The following NPTXR variants were observed in gnomAD, a reference collection of about 807,000 sequenced individuals.
NPTXR encodes the protein neuronal pentraxin receptor.
A neutral mutation model predicts 32.2 loss-of-function variants in NPTXR; 12 were observed. The observed-to-expected ratio is 0.37, with a 90% CI of 0.24 to 0.60. NPTXR has a LOEUF of 0.60. Among genes scored for constraint, NPTXR ranks in the 20% least tolerant of loss-of-function variants. The pLI is 0.66. For synonymous variants in NPTXR, 323 were observed against 315.8 expected (o/e 1.02, Z -0.24); for missense variants, 612 against 682.9 (o/e 0.90, Z 1.16).
rs2093097927 is a variant in NPTXR at position 38,821,930 on chromosome 22, C to T, written c.*679G>A. The T allele has an allele frequency of 6.4e-6, 1 of 155,404 alleles. No individual in the cohort carries two copies. Among genetic ancestry groups the T allele is most frequent in the Non-Finnish European group, 1.4e-5 (1 of 70,008 alleles). The allele number at this position is 155,404 out of a possible 1,614,324, so 9.6% of individuals were successfully genotyped here. A position where few individuals can be genotyped will look rare whatever the true frequency, so the allele number is the denominator to read the frequency against. Reference sequence around the variant, plus strand: ...TTTGGCCTCCTGGGGTCTTTGTCCCCTTCCCTCCAGGCTGGAGCTGGGAAA... The same window carrying T: ...TTTGGCCTCCTGGGGTCTTTGTCCCTTTCCCTCCAGGCTGGAGCTGGGAAA... On this transcript the variant is annotated 3_prime_UTR_variant, in exon 5 of 5. Transcript: ENST00000333039.
chr22:38,822,227 C>T lies in NPTXR; in HGVS notation c.*382G>A, dbSNP rs965439939. On this transcript the variant is annotated 3_prime_UTR_variant, in exon 5 of 5. Coordinates refer to ENST00000333039, the MANE Select transcript of NPTXR (RefSeq NM_014293.4). ...GCCTGTTGCATGGGGGACAAGGGGG[C>T]GGGCGGCCACCCCCACCACTGAGAT... The T allele has an allele frequency of 3.6e-5, 9 of 250,022 alleles. No homozygotes were observed. The highest frequency in any genetic ancestry group is 1.9e-4 in the East Asian group (2 of 10,750). The allele number at this position is 250,022 out of a possible 1,614,324, so 15.5% of individuals were successfully genotyped here. A position where few individuals can be genotyped will look rare whatever the true frequency, so the allele number is the denominator to read the frequency against.
At chr22:38,823,527 A>T (rs1057154762) in intron 3 of NPTXR, among the ~76,000 whole-genome samples, 2 of 152,200 alleles carry the variant, frequency 1.3e-5, no homozygotes, top group African/African-American at 4.8e-5. Context: ...CAGGCCTATT[A>T]AGGTCACTTG....
intron 3 of NPTXR, 66 bp from the exon 4 acceptor site, chr22:38,823,328 G>A (rs542246518): frequency 1.3e-6 from 2 of 1,483,892 alleles, no homozygotes; most frequent in Non-Finnish European, 1.8e-6. Flanking sequence ...GGCTGAGGCA[G>A]TGGGGTGGGG....
chr22:38,826,388 T>C, intron 3 of NPTXR, 112 bp downstream of exon 3: 10 of 1,303,252 alleles, frequency 7.7e-6, no homozygotes, highest in Non-Finnish European at 1.1e-5. Flanking sequence ...TAATGTGTGC[T>C]GAATATGCAG....
At chr22:38,836,043 A>AG (rs2093123444) in intron 1 of NPTXR, among the ~76,000 whole-genome samples, 4 of 152,304 alleles carry the variant, frequency 2.6e-5, no homozygotes, top group South Asian at 4.1e-4. Flanking sequence ...ACATAAGAAA[A>AG]GGTGCTCAAC....
At position 38,822,321 on chromosome 22, in the gene NPTXR, A is replaced by G. The variant is rs543213062; in HGVS notation, c.*288T>C. 6.5e-4 allele frequency: 280 copies of G among 428,546 alleles called. No homozygotes were observed. The highest frequency in any genetic ancestry group is 1.1e-3 in the Non-Finnish European group (253 of 235,698). The allele number at this position is 428,546 out of a possible 1,614,324, so 26.5% of individuals were successfully genotyped here. On this transcript the variant is annotated 3_prime_UTR_variant, in exon 5 of 5. Transcript: ENST00000333039. ...TGTCAAAATTAGTGAAATCAGATAC[A>G]GTTGATGGGCAGGGAGGGTGGGGTA...
chr22:38,839,894 T>C (rs1244896433), intron 1 of NPTXR, among the ~76,000 whole-genome samples: 1 of 152,208 alleles, frequency 6.6e-6, no homozygotes, highest in African/African-American at 2.4e-5. Flanking sequence ...TATGGCATCA[T>C]TAAAATGGTA....
intron 1 of NPTXR, among the ~76,000 whole-genome samples, chr22:38,833,822 G>A (rs957700241): frequency 3.3e-4 from 50 of 151,984 alleles, no homozygotes; most frequent in Middle Eastern, 6.8e-3. Flanking sequence ...GACTACAGGC[G>A]CCTGCCACCT....
chr22:38,823,422 T>C (rs1322132681), intron 3 of NPTXR, among the ~76,000 whole-genome samples, 160 bp from the exon 4 acceptor site: 3 of 152,250 alleles, frequency 2.0e-5, no homozygotes, highest in African/African-American at 7.2e-5. Flanking sequence ...TTTCCCTGAC[T>C]CCTGTCTCCT....
At chr22:38,823,035 C>T (rs763733529) in intron 4 of NPTXR, 48 bp downstream of exon 4, 56 of 1,602,212 alleles carry the variant, frequency 3.5e-5, no homozygotes, top group Non-Finnish European at 4.6e-5. Context: ...TCAGTCTGCC[C>T]ATCTGCACAA....
intron 1 of NPTXR, among the ~76,000 whole-genome samples, chr22:38,836,299 C>A (rs565960137): frequency 3.3e-5 from 5 of 152,330 alleles, no homozygotes; most frequent in Non-Finnish European, 5.9e-5. Context: ...CAGCCGCCAA[C>A]AGATATCCCA....
chr22:38,832,378 C>T (rs1019046575), intron 1 of NPTXR, among the ~76,000 whole-genome samples: 5 of 152,254 alleles, frequency 3.3e-5, no homozygotes, highest in Non-Finnish European at 5.9e-5. Flanking sequence ...TCAGCTCCTG[C>T]TGGGGCAGAA....
At position 38,840,680 on chromosome 22, in the gene NPTXR, G is replaced by A. The variant is rs368116591; in HGVS notation, c.624+2555C>T. 3.3e-5 allele frequency among the ~76,000 whole-genome samples: 5 copies of A among 152,286 alleles called. No homozygotes were observed. In the South Asian group the frequency reaches 8.3e-4, roughly 25 times the overall value. On this transcript the variant is annotated intron_variant, in intron 1 of 4. Transcript: ENST00000333039. Reference sequence around the variant, plus strand: ...TGCTCAGGAGGCCGATGTGTTGATGGGTCTGGAGCTTGGGAAGGAAACCTG... The same window carrying A: ...TGCTCAGGAGGCCGATGTGTTGATGAGTCTGGAGCTTGGGAAGGAAACCTG...
intron 3 of NPTXR, among the ~76,000 whole-genome samples, chr22:38,823,852 A>G (rs141380424): frequency 6.6e-6 from 1 of 152,212 alleles, no homozygotes; most frequent in Non-Finnish European, 1.5e-5. Flanking sequence ...TTTAGCTCAG[A>G]TCCCTCAGCA....
At chr22:38,837,381 C>T (rs528571010) in intron 1 of NPTXR, among the ~76,000 whole-genome samples, 6 of 152,332 alleles carry the variant, frequency 3.9e-5, no homozygotes, top group Admixed American at 2.0e-4. Flanking sequence ...CACAGCCCCC[C>T]GCCATTCCCT....
chr22:38,823,947 A>G (rs1442204874), intron 3 of NPTXR, among the ~76,000 whole-genome samples: 1 of 151,980 alleles, frequency 6.6e-6, no homozygotes, highest in Non-Finnish European at 1.5e-5. Flanking sequence ...TGGTGCTCCC[A>G]AAGGGCTTCC....
chr22:38,833,727 T>G (rs938813787), intron 1 of NPTXR, among the ~76,000 whole-genome samples: 1 of 149,442 alleles, frequency 6.7e-6, no homozygotes, highest in African/African-American at 2.5e-5. Flanking sequence ...CAGGCTGGAG[T>G]GCAGTGGCAC....
intron 3 of NPTXR, 138 bp downstream of exon 3, chr22:38,826,362 G>T: frequency 1.8e-6 from 2 of 1,081,576 alleles, no homozygotes; most frequent in Non-Finnish European, 2.7e-6. Flanking sequence ...GCCCAGCCTA[G>T]CACACGGTAG....
rs1456733157 is a variant in NPTXR at position 38,821,868 on chromosome 22, C to G, written c.*741G>C. ...GGAGAGCGATGACTATACCAGTGGC[C>G]ATCACTATGGGTGAGCACAAGGGGT... On this transcript the variant is annotated 3_prime_UTR_variant, in exon 5 of 5. Coordinates refer to ENST00000333039, the MANE Select transcript of NPTXR (RefSeq NM_014293.4). The G allele has an allele frequency of 6.5e-6, 1 of 153,342 alleles. No homozygotes were observed. The highest frequency in any genetic ancestry group is 1.9e-4 in the East Asian group (1 of 5,198). 9.5% of individuals were successfully genotyped at this position (153,342 alleles called of 1,614,324 possible).
Sources: allele counts gnomAD v4.1 joint callset (sites outside exome capture counted in the v4.1 genomes callset), GRCh38; gene constraint gnomAD v4.1.1; transcripts MANE v1.5; gene names NCBI Gene and HGNC (gene_info 2026-07-23, HGNC 2026-07-21).